The following PHLDB2 variants were observed in gnomAD, a reference collection of about 807,000 sequenced individuals.
The protein encoded by PHLDB2 is pleckstrin homology like domain family B member 2.
In PHLDB2, 71 loss-of-function variants were observed where a neutral mutation model predicts 123.6. The observed-to-expected ratio is 0.57, with a 90% CI of 0.47 to 0.70. PHLDB2 has a LOEUF of 0.70. PHLDB2 is among the 30% of genes least tolerant of loss of function. The pLI, the probability that PHLDB2 is intolerant of heterozygous loss-of-function variation, is 0.00. For missense variants in PHLDB2, 1,446 were observed against 1,519.5 expected, an observed-to-expected ratio of 0.95 and a Z score of 0.80; for synonymous variants, 547 against 541.6, an observed-to-expected ratio of 1.01 and a Z score of -0.14.
chr3:111,972,962 A>G (rs1559930557), intron 16 of PHLDB2, among the ~76,000 whole-genome samples: 1 of 152,110 alleles, frequency 6.6e-6, no homozygotes, highest in Admixed American at 6.6e-5. Context: ...CACTTCCACT[A>G]CTAGGGTATG....
intron 1 of PHLDB2, among the ~76,000 whole-genome samples, chr3:111,881,386 T>C (rs1267924598): frequency 2.0e-5 from 3 of 152,296 alleles, no homozygotes; most frequent in East Asian, 3.9e-4. Flanking sequence ...TAGTATTACA[T>C]CAAATGTTTT....
At chr3:111,918,697 A>G (rs927504593) in intron 3 of PHLDB2, among the ~76,000 whole-genome samples, 1 of 152,246 alleles carries the variant, frequency 6.6e-6, no homozygotes, top group South Asian at 2.1e-4. Flanking sequence ...CCCGAGGAAG[A>G]TGCCACAAGT....
intron 5 of PHLDB2, among the ~76,000 whole-genome samples, chr3:111,930,308 A>C (rs758226254): frequency 1.3e-5 from 2 of 152,142 alleles, no homozygotes; most frequent in Non-Finnish European, 2.9e-5. Context: ...GTTTTAGGCC[A>C]GTGGCTTTCT....
At chr3:111,969,212 G>T (rs1440945882) in intron 15 of PHLDB2, among the ~76,000 whole-genome samples, 2 of 152,158 alleles carry the variant, frequency 1.3e-5, no homozygotes, top group Non-Finnish European at 2.9e-5. Flanking sequence ...GTACAGCTTT[G>T]TGGGATCCTG....
At chr3:111,966,515 GT>G in intron 13 of PHLDB2, 97 bp from the exon 14 acceptor site, 2 of 579,458 alleles carry the variant, frequency 3.5e-6, no homozygotes, top group African/African-American at 6.6e-5. Flanking sequence ...GTGTGTGTGT[GT>G]GTGTGTCTGG....
chr3:111,781,134 A>T (rs1421216933), intron 1 of PHLDB2, among the ~76,000 whole-genome samples: 1 of 152,082 alleles, frequency 6.6e-6, no homozygotes, highest in African/African-American at 2.4e-5. Flanking sequence ...TGACCTCATT[A>T]TGGGCCAGTC....
At position 111,852,753 on chromosome 3, in the gene PHLDB2, GAC is replaced by G. The variant is rs36217120; in HGVS notation, c.67+6846_67+6847del. Reference sequence around the variant, plus strand: ...ACAGCTGGGATAGGTTAATCTAAAAGACACACACACACACACACACACACACA... The same window carrying G: ...ACAGCTGGGATAGGTTAATCTAAAAGACACACACACACACACACACACACA... On this transcript the variant is annotated intron_variant, in intron 2 of 17. Coordinates refer to the PHLDB2 transcript ENST00000393923. Among the ~76,000 whole-genome samples, 763 of 150,264 alleles carry G rather than the reference GAC, an allele frequency of 5.1e-3. 5 individuals carry two copies. Among genetic ancestry groups the G allele is most frequent in the African/African-American group, 0.016 (644 of 40,924 alleles).
At chr3:111,746,448 T>A (rs2059683715) in intron 1 of PHLDB2, among the ~76,000 whole-genome samples, 1 of 152,206 alleles carries the variant, frequency 6.6e-6, no homozygotes, top group South Asian at 2.1e-4. Flanking sequence ...AGGGTTCATG[T>A]CCAGCATAAT....
intron 2 of PHLDB2, among the ~76,000 whole-genome samples, chr3:111,897,272 G>A (rs752792536): frequency 1.5e-4 from 23 of 152,328 alleles, no homozygotes; most frequent in Middle Eastern, 3.4e-3. Context: ...TTTAAGACTA[G>A]GATACATGAG....
At chr3:111,869,455 C>A (rs1305884700) in intron 1 of PHLDB2, among the ~76,000 whole-genome samples, 2 of 151,042 alleles carry the variant, frequency 1.3e-5, no homozygotes, top group African/African-American at 4.9e-5. Flanking sequence ...AGTAAAAATT[C>A]AAAAAAAAGA....
At chr3:111,950,522 C>A (rs1260256017) in intron 10 of PHLDB2, among the ~76,000 whole-genome samples, 2 of 152,256 alleles carry the variant, frequency 1.3e-5, no homozygotes, top group Admixed American at 1.3e-4. Flanking sequence ...TTTTTATTCA[C>A]CAGATTTTTA....
intron 1 of PHLDB2, among the ~76,000 whole-genome samples, chr3:111,877,911 G>A (rs2065719358): frequency 6.6e-6 from 1 of 151,944 alleles, no homozygotes; most frequent in African/African-American, 2.4e-5. Context: ...TCTCTGTTCT[G>A]TTCCATTGGT....
chr3:111,762,687 G>C (rs1026627414), intron 1 of PHLDB2, among the ~76,000 whole-genome samples: 2 of 152,128 alleles, frequency 1.3e-5, no homozygotes, highest in Non-Finnish European at 2.9e-5. Flanking sequence ...ACATACTGCT[G>C]TACGTAGTTT....
chr3:111,771,151 T>C (rs1200973870), intron 1 of PHLDB2, among the ~76,000 whole-genome samples: 1 of 152,204 alleles, frequency 6.6e-6, no homozygotes, highest in Non-Finnish European at 1.5e-5. Context: ...ATGTATTTGT[T>C]TTCTAGGGCT....
upstream of PHLDB2, among the ~76,000 whole-genome samples, chr3:111,857,034 G>A (rs1438932565): frequency 6.6e-6 from 1 of 152,172 alleles, no homozygotes; most frequent in Non-Finnish European, 1.5e-5. Flanking sequence ...GAACCATGCA[G>A]ATACTTGGGA....
intron 5 of PHLDB2, among the ~76,000 whole-genome samples, chr3:111,922,038 G>A (rs1157044496): frequency 1.3e-5 from 2 of 152,204 alleles, no homozygotes; most frequent in African/African-American, 4.8e-5. Flanking sequence ...TCTGCAAGAA[G>A]CCTTCATTGG....
At chr3:111,836,565 G>T (rs1383215026) in intron 1 of PHLDB2, among the ~76,000 whole-genome samples, 1 of 152,110 alleles carries the variant, frequency 6.6e-6, no homozygotes, top group Non-Finnish European at 1.5e-5. Flanking sequence ...CTTTGGCTTT[G>T]AATAAGATTA....
chr3:111,883,793 T>C (rs1177801947), intron 1 of PHLDB2, among the ~76,000 whole-genome samples: 2 of 152,270 alleles, frequency 1.3e-5, no homozygotes, highest in Non-Finnish European at 2.9e-5. Context: ...AGCCTAATCC[T>C]GCACCTTTAC....
intron 1 of PHLDB2, among the ~76,000 whole-genome samples, chr3:111,738,582 C>T (rs2059549096): frequency 6.6e-6 from 1 of 152,056 alleles, no homozygotes; most frequent in Non-Finnish European, 1.5e-5. Context: ...ATCCAGTAGG[C>T]CAAACCACAG....
Sources: allele counts gnomAD v4.1 joint callset (sites outside exome capture counted in the v4.1 genomes callset), GRCh38; gene constraint gnomAD v4.1.1; transcripts MANE v1.5; gene names NCBI Gene and HGNC (gene_info 2026-07-23, HGNC 2026-07-21).